Variants in CROCC2 observed in about 807,000 individuals in gnomAD.
The protein encoded by CROCC2 is ciliary rootlet coiled-coil, rootletin family member 2, also known as ciliary rootlet coiled-coil protein 2.
Under a neutral mutation model 177.6 loss-of-function variants are expected in CROCC2, and 163 were observed. The observed-to-expected ratio is 0.92, with a 90% CI of 0.81 to 1.05. The LOEUF (loss-of-function observed/expected upper bound fraction) is 1.05. Among genes scored for constraint, CROCC2 ranks in the 50% least tolerant of loss-of-function variants. The probability of loss-of-function intolerance (pLI) is 0.00; values close to 1 mark genes in which losing one functional copy is unlikely to be tolerated. For missense variants in CROCC2, 1,929 were observed against 1,797.8 expected (o/e 1.07, Z -1.32); for synonymous variants, 904 against 787.3 (o/e 1.15, Z -2.48).
At chr2:240,921,119 C>T (rs1194283224) in intron 3 of CROCC2, among the ~76,000 whole-genome samples, 1 of 152,210 alleles carries the variant, frequency 6.6e-6, no homozygotes, top group East Asian at 1.9e-4. Flanking sequence ...CCTTCTTAGT[C>T]ACCTGACCAG....
chr2:240,989,564 CAGG>C, intron 29 of CROCC2, 87 bp from the exon 30 acceptor site: 1 of 1,282,978 alleles, frequency 7.8e-7, no homozygotes, highest in Non-Finnish European at 1.1e-6. Context: ...CCCACAAGGA[CAGG>C]TGAAACACCC....
At chr2:240,931,585 T>C (rs1312559322) in intron 7 of CROCC2, among the ~76,000 whole-genome samples, 4 of 152,208 alleles carry the variant, frequency 2.6e-5, no homozygotes, top group Admixed American at 2.0e-4. Flanking sequence ...TGGAAGGTTT[T>C]GGACCCACCA....
chr2:240,929,648 C>T (rs1308740765), intron 5 of CROCC2: 1 of 455,652 alleles, frequency 2.2e-6, no homozygotes, highest in South Asian at 1.5e-5. Flanking sequence ...GTCCCTGGCA[C>T]CTTCGAAGTG....
At chr2:240,984,537 A>T (rs1017767839) in intron 28 of CROCC2, among the ~76,000 whole-genome samples, 1 of 111,022 alleles carries the variant, frequency 9.0e-6, no homozygotes, top group Non-Finnish European at 1.8e-5. Flanking sequence ...TTCCACACAC[A>T]CCCAGGCACT....
At chr2:240,956,024 C>T in intron 19 of CROCC2, 52 bp downstream of exon 19, 1 of 1,325,738 alleles carries the variant, frequency 7.5e-7, no homozygotes. Context: ...TGCTGGCAGA[C>T]CCCAGGGGGC....
rs1457866554 is a variant in CROCC2 at position 240,930,182 on chromosome 2, TG to T, written c.666del (p.Gln223SerfsTer24). ...TGCTTTCAGACCCGGTCAGGGGGCC[TG>T]GGGCAGCCCCGGGACCTCCTCCTCC... is the stretch of plus-strand genomic sequence containing the variant. ...WAQRQTRSGGLGQPRDLLLLW... is the reference protein window; with the variant it reads ...WAQRQTRSGGXGQPRDLLLLW... On this transcript the variant is annotated frameshift_variant, in exon 6 of 32. Transcript: ENST00000690015. LOFTEE classifies it high-confidence loss of function. 7.1e-6 allele frequency: 4 copies of T among 564,698 alleles called. No homozygotes were observed. Among genetic ancestry groups the T allele is most frequent in the South Asian group, 2.5e-5 (1 of 40,286 alleles). The allele number at this position is 564,698 out of a possible 1,614,324, so 35.0% of individuals were successfully genotyped here. A position where few individuals can be genotyped will look rare whatever the true frequency, so the allele number is the denominator to read the frequency against.
rs768339466 is a variant in CROCC2, at chr2:240,949,090, C to A, written c.2475C>A (p.Ala825=). 1 of 1,540,086 alleles carries A rather than the reference C, an allele frequency of 6.5e-7. No individual in the cohort carries two copies. The highest frequency in any genetic ancestry group is 1.2e-5 in the South Asian group (1 of 82,622). The change falls in exon 16 of 32, where the codon GCC becomes GCA. Residue 825 remains alanine (A), a synonymous_variant. Transcript: ENST00000690015. This position sits in a 1 kb window ranked among gnomAD's most constrained non-coding sequence, Gnocchi z 4.5. ...GGAGCGCAGGACTCGCGCGGCAGGC[C>A]TTGCAAGGTGCTCCAAGGGCGCTCC... The part of the protein sequence containing the change: ...EARSAGLARQ[A]LQVEMEQLQS...
chr2:240,919,246 C>T (rs1359595097), intron 2 of CROCC2, among the ~76,000 whole-genome samples: 1 of 152,072 alleles, frequency 6.6e-6, no homozygotes, highest in Non-Finnish European at 1.5e-5. Context: ...GGCATCATAT[C>T]GATACCCACA....
rs1384416826 is a variant in CROCC2 at position 240,989,636 on chromosome 2, C to A, written c.4684-18C>A. 1 of 1,530,854 alleles carries A rather than the reference C, an allele frequency of 6.5e-7. No homozygotes were observed. The allele number at this position is 1,530,854 out of a possible 1,614,324, so 94.8% of individuals were successfully genotyped here. A position where few individuals can be genotyped will look rare whatever the true frequency, so the allele number is the denominator to read the frequency against. On this transcript the variant is annotated intron_variant, in intron 29 of 31. Transcript: ENST00000690015. ...CTCAGTGAGAGACAGCAGTGAGATGCCCAAGTTCTCACTCCAGGCCCAGAT... is the reference window on the plus strand; with the variant it reads ...CTCAGTGAGAGACAGCAGTGAGATGACCAAGTTCTCACTCCAGGCCCAGAT...
chr2:240,931,143 C>A lies in CROCC2; in HGVS notation c.947+15C>A. 1.4e-6 allele frequency: 1 copy of A among 705,040 alleles called. No individual in the cohort carries two copies. Among genetic ancestry groups the A allele is most frequent in the Non-Finnish European group, 2.6e-6 (1 of 378,090 alleles). The allele number at this position is 705,040 out of a possible 1,614,324, so 43.7% of individuals were successfully genotyped here. A position where few individuals can be genotyped will look rare whatever the true frequency, so the allele number is the denominator to read the frequency against. ...CTCCAGGCCAGGTGGGCGCCCAGGG[C>A]CAGCAAGCTTGCACAGGGAGGGCCC... On this transcript the variant is annotated intron_variant, in intron 7 of 31. Transcript: ENST00000690015.
intron 28 of CROCC2, chr2:240,983,745 C>T: frequency 1.5e-6 from 1 of 652,886 alleles, no homozygotes; most frequent in Non-Finnish European, 2.3e-6. Context: ...CACAGCCCTG[C>T]CAGTGGTGTC....
In CROCC2 at chr2:240,915,418, C is replaced by T. The variant is rs560287512; in HGVS notation, c.79-3308C>T. ...TTGGGGGCAGGCAGCTGAGGCCACA[C>T]GTGGTCCATCCACTGCACCCTCACA... is the stretch of plus-strand genomic sequence containing the variant. On this transcript the variant is annotated intron_variant, in intron 1 of 31. Coordinates refer to ENST00000690015, the MANE Select transcript of CROCC2 (RefSeq NM_001351305.2). 7.2e-5 allele frequency among the ~76,000 whole-genome samples: 11 copies of T among 152,294 alleles called. No individual in the cohort carries two copies. In the East Asian group the frequency reaches 2.1e-3, roughly 29 times the overall value.
intron 1 of CROCC2, among the ~76,000 whole-genome samples, chr2:240,912,329 G>A (rs1339859492): frequency 6.6e-6 from 1 of 152,186 alleles, no homozygotes; most frequent in Non-Finnish European, 1.5e-5. Flanking sequence ...GTCCCATAAA[G>A]CTGCCCCACC....
rs192897554 is a variant in CROCC2, at chr2:240,920,058, G to A, written c.305G>A (p.Arg102Gln). Residue 102 changes from arginine (R) to glutamine (Q), a missense_variant, in exon 3 of 32, where the codon CGG (arginine) becomes CAG (glutamine). This residue lies in a region of CROCC2 where 1,397 missense variants were observed against 1,239.9 expected (regional missense o/e 1.13). Transcript: ENST00000690015. ...GAGCTCCTGCAGGAGGAGCTGACCC[G>A]GCTGGGGGACCTGCTGGCCCAGGCC... The part of the protein sequence containing the change: ...ENELLQEELT[R>Q]LGDLLAQASA... The A allele has an allele frequency of 9.8e-4, 704 of 715,918 alleles. 10 individuals are homozygous for A. The Admixed American group carries it at 0.012, about 13-fold the overall frequency. The allele number at this position is 715,918 out of a possible 1,614,324, so 44.3% of individuals were successfully genotyped here. A position where few individuals can be genotyped will look rare whatever the true frequency, so the allele number is the denominator to read the frequency against.
chr2:240,943,704 T>C (rs1223850362), intron 14 of CROCC2, among the ~76,000 whole-genome samples: 1 of 152,110 alleles, frequency 6.6e-6, no homozygotes, highest in Non-Finnish European at 1.5e-5. Flanking sequence ...GGTCTCGAAC[T>C]CCCGAGCTCA....
chr2:240,962,834 G>T (rs1157832100), intron 20 of CROCC2, among the ~76,000 whole-genome samples: 14 of 152,204 alleles, frequency 9.2e-5, no homozygotes, highest in Admixed American at 9.2e-4. Flanking sequence ...CAGAGCGTAG[G>T]TGCTGGGGAG....
intron 1 of CROCC2, among the ~76,000 whole-genome samples, chr2:240,911,657 C>G (rs2059289510): frequency 6.6e-6 from 1 of 151,420 alleles, no homozygotes; most frequent in Admixed American, 6.6e-5. Context: ...ACGCCCCATT[C>G]CCCCCTCTCC....
In CROCC2 at chr2:240,983,234, G is replaced by A. The variant is rs551487469; in HGVS notation, c.4551+205G>A. ...ACAGATGGGGAAACTGAGCCTGGAG[G>A]GGCCCACAGGGAGTCAGGGGGCTGG... On this transcript the variant is annotated intron_variant, in intron 28 of 31. Transcript: ENST00000690015. 2.2e-5 allele frequency: 19 copies of A among 858,498 alleles called. No homozygotes were observed. The South Asian group carries it at 3.3e-4, about 15-fold the overall frequency. The allele number at this position is 858,498 out of a possible 1,614,324, so 53.2% of individuals were successfully genotyped here.
rs943484097 is a variant in CROCC2, at chr2:240,935,597, G to A, written c.2169+9G>A. ...AGGAGCAGGTGGGCCAGGTGAGGAC[G>A]TCTGCAGGGCATGCTGCCGCCGTCT... On this transcript the variant is annotated intron_variant, in intron 14 of 31. Coordinates refer to ENST00000690015, the MANE Select transcript of CROCC2 (RefSeq NM_001351305.2). 4.1e-5 allele frequency: 57 copies of A among 1,386,386 alleles called. No homozygotes were observed. Among genetic ancestry groups the A allele is most frequent in the Non-Finnish European group, 4.7e-5 (50 of 1,071,976 alleles). The allele number at this position is 1,386,386 out of a possible 1,614,324, so 85.9% of individuals were successfully genotyped here. A position where few individuals can be genotyped will look rare whatever the true frequency, so the allele number is the denominator to read the frequency against.
Sources: allele counts gnomAD v4.1 joint callset (sites outside exome capture counted in the v4.1 genomes callset), GRCh38; gene constraint gnomAD v4.1.1; regional missense constraint gnomAD v4.1.1; non-coding constraint Gnocchi (gnomAD v3.1); transcripts MANE v1.5; gene names NCBI Gene and HGNC (gene_info 2026-07-23, HGNC 2026-07-21).